PDE1C: variants seen among roughly 807,000 people sequenced by gnomAD.
PDE1C encodes dual specificity calcium/calmodulin-dependent 3',5'-cyclic nucleotide phosphodiesterase 1C.
Under a neutral mutation model 93.1 loss-of-function variants are expected in PDE1C, and 62 were observed. That is an observed-to-expected ratio of 0.67 (90% CI 0.54 to 0.82). The LOEUF is 0.82. Among genes scored for constraint, PDE1C ranks in the 40% least tolerant of loss-of-function variants. The pLI is 0.00. For synonymous variants in PDE1C, 325 were observed against 310.1 expected, an observed-to-expected ratio of 1.05 and a Z score of -0.50; for missense variants, 742 against 884.6, an observed-to-expected ratio of 0.84 and a Z score of 2.04.
chr7:31,994,767 A>G (rs1784527516), intron 2 of PDE1C, among the ~76,000 whole-genome samples: 2 of 152,222 alleles, frequency 1.3e-5, no homozygotes, highest in Admixed American at 1.3e-4. Context: ...AAGTTTCATA[A>G]CCTTAGGCAA....
intron 2 of PDE1C, among the ~76,000 whole-genome samples, chr7:32,036,675 A>G (rs1015126606): frequency 1.3e-5 from 2 of 152,244 alleles, no homozygotes; most frequent in Non-Finnish European, 2.9e-5. Context: ...AAGCAACATT[A>G]TGTCAATGAG....
At chr7:31,973,052 G>T (rs1347592755) in intron 2 of PDE1C, among the ~76,000 whole-genome samples, 2 of 152,006 alleles carry the variant, frequency 1.3e-5, no homozygotes, top group Admixed American at 1.3e-4. Flanking sequence ...CTACCCAGTG[G>T]TACTAGATAT....
At chr7:31,839,380 C>T (rs1316018418) in intron 9 of PDE1C, among the ~76,000 whole-genome samples, 2 of 140,628 alleles carry the variant, frequency 1.4e-5, no homozygotes, top group African/African-American at 5.6e-5. Flanking sequence ...AACACAGATA[C>T]TAGATATATA....
intron 2 of PDE1C, among the ~76,000 whole-genome samples, chr7:31,930,192 A>T (rs756582168): frequency 2.6e-5 from 4 of 152,140 alleles, no homozygotes; most frequent in Non-Finnish European, 4.4e-5. Flanking sequence ...GGACACATAC[A>T]CCCTCCCAGG....
At chr7:32,070,847 A>G (rs1249063073), upstream of PDE1C, 26 of 986,472 alleles carry the variant, frequency 2.6e-5, no homozygotes, top group Non-Finnish European at 3.0e-5. Flanking sequence ...GCGGCGGCTG[A>G]GCAAAGCGGG....
the PDE1C span, among the ~76,000 whole-genome samples, chr7:31,664,688 G>A: frequency 6.6e-6 from 1 of 152,126 alleles, no homozygotes; most frequent in African/African-American, 2.4e-5. Flanking sequence ...CATCCAACAG[G>A]AATAGCCTCT....
chr7:32,197,015 T>A (rs1562568846), intron 2 of PDE1C, among the ~76,000 whole-genome samples: 2 of 152,184 alleles, frequency 1.3e-5, no homozygotes, highest in Non-Finnish European at 2.9e-5. Flanking sequence ...ACTAACACTT[T>A]AGGGGTTTCT....
chr7:31,850,481 A>T (rs992974204), intron 8 of PDE1C, among the ~76,000 whole-genome samples, 160 bp downstream of exon 8: 3 of 152,138 alleles, frequency 2.0e-5, no homozygotes, highest in African/African-American at 7.2e-5. Context: ...CTAAGTCTTG[A>T]TTGAAGCTGA....
chr7:31,740,418 C>A, the PDE1C span, among the ~76,000 whole-genome samples: 1 of 152,116 alleles, frequency 6.6e-6, no homozygotes, highest in Non-Finnish European at 1.5e-5. Flanking sequence ...CTAAGTAAGA[C>A]TTTTAGTGCA....
At chr7:32,311,705 C>G (rs966692644) in intron 1 of PDE1C, among the ~76,000 whole-genome samples, 2 of 151,956 alleles carry the variant, frequency 1.3e-5, no homozygotes, top group African/African-American at 4.8e-5. Context: ...AATTCAACAA[C>G]CCTTCATGCT....
chr7:32,365,832 A>G (rs1784220403), intron 1 of PDE1C, among the ~76,000 whole-genome samples: 1 of 152,202 alleles, frequency 6.6e-6, no homozygotes, highest in Non-Finnish European at 1.5e-5. Context: ...CAAAAATGTC[A>G]CTAGTACTAC....
At chr7:31,872,968 C>A (rs1354289539) in intron 6 of PDE1C, among the ~76,000 whole-genome samples, 1 of 152,108 alleles carries the variant, frequency 6.6e-6, no homozygotes, top group Non-Finnish European at 1.5e-5. Flanking sequence ...GTCAATAGGA[C>A]ACAAAGTCAT....
intron 3 of PDE1C, among the ~76,000 whole-genome samples, chr7:32,161,987 T>C (rs1023942303): frequency 3.3e-5 from 5 of 152,074 alleles, no homozygotes; most frequent in Admixed American, 1.3e-4. Flanking sequence ...ATGCATTCTC[T>C]AGGGGGAGTC....
chr7:31,754,173 T>C (rs1794299327), intron 17 of PDE1C, among the ~76,000 whole-genome samples: 1 of 152,128 alleles, frequency 6.6e-6, no homozygotes, highest in Non-Finnish European at 1.5e-5. Flanking sequence ...GAATTTCAAA[T>C]TAAAACAACT....
intron 1 of PDE1C, among the ~76,000 whole-genome samples, chr7:32,345,359 G>A (rs1019366002): frequency 9.2e-5 from 14 of 152,206 alleles, no homozygotes; most frequent in African/African-American, 3.4e-4. Context: ...ATAGAATGAA[G>A]AGACACCCAT....
At chr7:31,930,359 A>C (rs1291397786) in intron 2 of PDE1C, among the ~76,000 whole-genome samples, 1 of 152,072 alleles carries the variant, frequency 6.6e-6, no homozygotes, top group African/African-American at 2.4e-5. Context: ...ATTCCTTCTG[A>C]AACTATTCCA....
At chr7:32,203,845 G>A (rs1805208560) in intron 2 of PDE1C, among the ~76,000 whole-genome samples, 1 of 152,112 alleles carries the variant, frequency 6.6e-6, no homozygotes, top group Non-Finnish European at 1.5e-5. Flanking sequence ...AAACTAGCAC[G>A]AATTTCTGTT....
chr7:31,898,927 C>G (rs1489912682), intron 2 of PDE1C, among the ~76,000 whole-genome samples: 3 of 152,168 alleles, frequency 2.0e-5, no homozygotes, highest in Non-Finnish European at 4.4e-5. Context: ...CCATCTTTCA[C>G]TAGCGTGGCT....
At chr7:32,064,868 C>G (rs747835786) in intron 1 of PDE1C, among the ~76,000 whole-genome samples, 1 of 152,050 alleles carries the variant, frequency 6.6e-6, no homozygotes, top group South Asian at 2.1e-4. Flanking sequence ...GCCTTCCTTT[C>G]CAGCATCACC....
Sources: gnomAD v4.1 joint callset for allele counts (sites outside exome capture counted in the v4.1 genomes callset) on GRCh38, gnomAD v4.1.1 for gene constraint, MANE v1.5 for transcripts, NCBI Gene and HGNC (gene_info 2026-07-23, HGNC 2026-07-21) for gene names.